Variants in DOCK4 observed in about 807,000 individuals in gnomAD.
DOCK4 encodes the protein dedicator of cytokinesis 4.
DOCK4 carries 97 observed loss-of-function variants against 268.1 expected under a neutral mutation model. The observed-to-expected ratio is 0.36, with a 90% confidence interval of 0.31 to 0.43. The LOEUF is 0.43. Ranked by LOEUF, DOCK4 falls within the 20% of genes least tolerant of loss-of-function variation. The pLI is 1.00. For missense variants in DOCK4, 2,145 were observed against 2,455.7 expected, an observed-to-expected ratio of 0.87 and a Z score of 2.67; for synonymous variants, 954 against 887.2, an observed-to-expected ratio of 1.08 and a Z score of -1.34.
intron 44 of DOCK4, among the ~76,000 whole-genome samples, chr7:111,743,384 C>T (rs372480660): frequency 6.6e-6 from 1 of 152,208 alleles, no homozygotes; most frequent in African/African-American, 2.4e-5. Context: ...GGGCATCCAG[C>T]ACCTTCCCTA....
intron 52 of DOCK4, among the ~76,000 whole-genome samples, chr7:111,729,281 T>A (rs1004730617): frequency 6.6e-6 from 1 of 152,202 alleles, no homozygotes. Context: ...AGAAAGGAGC[T>A]GGGCATGGTG....
chr7:112,020,945 T>C (rs1422245511), intron 1 of DOCK4, among the ~76,000 whole-genome samples: 4 of 152,216 alleles, frequency 2.6e-5, no homozygotes, highest in Non-Finnish European at 4.4e-5. Flanking sequence ...CAACTATTTG[T>C]ACTTCGTTTT....
In DOCK4 at chr7:111,874,028, T is replaced by C. The variant is rs117300935; in HGVS notation, c.1745-1464A>G. Among the ~76,000 whole-genome samples, 180 of 152,256 alleles carry C rather than the reference T, an allele frequency of 1.2e-3. 5 individuals carry two copies. The East Asian group carries it at 0.031, about 26-fold the overall frequency. On this transcript the variant is annotated intron_variant, in intron 17 of 52. Transcript: ENST00000428084. ...TGGTTATATTTGGCATATCAGATAT[T>C]TCCACAGAGTGAGACTCAGGGCGAC...
intron 13 of DOCK4, among the ~76,000 whole-genome samples, chr7:111,912,757 T>C (rs963868802): frequency 8.5e-5 from 13 of 152,106 alleles, no homozygotes; most frequent in Middle Eastern, 3.2e-3. Context: ...CCAAGGCTTG[T>C]TGAAGATAAC....
At chr7:111,749,010 C>T (rs7808477) in intron 42 of DOCK4, among the ~76,000 whole-genome samples, 39,550 of 151,832 alleles carry the variant, frequency 0.26, 5,459 homozygotes, top group Non-Finnish European at 0.29. Context: ...CCAGGTAAAA[C>T]CAAATCGACT....
intron 26 of DOCK4, among the ~76,000 whole-genome samples, chr7:111,832,124 T>A (rs892395974): frequency 1.2e-4 from 18 of 152,204 alleles, no homozygotes; most frequent in Admixed American, 7.2e-4. Context: ...ATAAGTATTA[T>A]AAAGGTGGGG....
chr7:111,787,424 T>C (rs901593300), intron 32 of DOCK4, among the ~76,000 whole-genome samples: 8 of 152,154 alleles, frequency 5.3e-5, no homozygotes, highest in Admixed American at 2.0e-4. Flanking sequence ...GGTGAATAAT[T>C]ATGAAAACCT....
At position 111,728,699 on chromosome 7, in the gene DOCK4, G is replaced by C. The variant is rs540645941; in HGVS notation, c.5503C>G (p.Pro1835Ala). The C allele has an allele frequency of 6.2e-7, 1 of 1,612,816 alleles. No individual in the cohort carries two copies. Among genetic ancestry groups the C allele is most frequent in the African/African-American group, 1.3e-5 (1 of 74,918 alleles). The stretch of plus-strand genomic sequence containing the variant: ...GGCGAGTGGTACTCCACTGGAGAGG[G>C]GGTGAAAGACTGCACAGAGCCCTGC... ...PLKGSVQSFTPSPVEYHSPGL... is the reference protein window; with the variant it reads ...PLKGSVQSFTASPVEYHSPGL... The change falls in exon 53 of 53, where the codon CCC (proline) becomes GCC (alanine). Residue 1835 changes from proline (P) to alanine (A), a missense_variant. Physicochemically the swap from Pro to Ala is conservative, Grantham distance 27 (BLOSUM62 -1). This residue lies in a region of DOCK4 where 547 missense variants were observed against 469.0 expected (regional missense o/e 1.17). Transcript: ENST00000428084.
chr7:112,072,772 GATCTCAGAAGCTGAGC>G (rs879828966), intron 1 of DOCK4, among the ~76,000 whole-genome samples: 1 of 152,242 alleles, frequency 6.6e-6, no homozygotes, highest in Non-Finnish European at 1.5e-5. Flanking sequence ...TTCCTGATAA[GATCTCAGAAGCTGAGC>G]AAGTGGTCTC....
intron 16 of DOCK4, among the ~76,000 whole-genome samples, chr7:111,886,399 C>T (rs117875213): frequency 6.6e-6 from 1 of 152,294 alleles, no homozygotes; most frequent in Non-Finnish European, 1.5e-5. Flanking sequence ...AGGAAATGAA[C>T]ACAGTCTCTG....
At chr7:112,081,024 T>C (rs930447168) in intron 1 of DOCK4, among the ~76,000 whole-genome samples, 8 of 152,168 alleles carry the variant, frequency 5.3e-5, no homozygotes, top group Non-Finnish European at 1.2e-4. Flanking sequence ...GGTACATTTC[T>C]AGAGGGTCCG....
chr7:112,152,218 T>C (rs1470782106), intron 1 of DOCK4, among the ~76,000 whole-genome samples: 4 of 152,160 alleles, frequency 2.6e-5, no homozygotes, highest in African/African-American at 9.7e-5. Flanking sequence ...AAATGGACAA[T>C]AAGACCATTC....
At chr7:111,824,776 C>T (rs1221012480) in intron 26 of DOCK4, among the ~76,000 whole-genome samples, 1 of 152,148 alleles carries the variant, frequency 6.6e-6, no homozygotes, top group Non-Finnish European at 1.5e-5. Context: ...TGTGCTATCT[C>T]ATTTTCCTAG....
intron 1 of DOCK4, among the ~76,000 whole-genome samples, chr7:112,125,339 A>G (rs928525452): frequency 2.0e-5 from 3 of 152,210 alleles, no homozygotes; most frequent in Non-Finnish European, 2.9e-5. Flanking sequence ...AAAAAATATC[A>G]AAATTATTCA....
intron 1 of DOCK4, among the ~76,000 whole-genome samples, chr7:112,166,258 C>CT (rs890693199): frequency 2.0e-5 from 3 of 152,064 alleles, no homozygotes; most frequent in East Asian, 1.9e-4. Flanking sequence ...GTGTTTTGTA[C>CT]TTTTTTTACC....
rs145810050 is a variant in DOCK4, at chr7:112,151,200, C to T, written c.37+54902G>A. ...ACAGCTAGGGCAATTTAGTGGTTAA[C>T]GCCTGGGGCTTTGGCATCAGAACGG... is the stretch of plus-strand genomic sequence containing the variant. On this transcript the variant is annotated intron_variant, in intron 1 of 52. Transcript: ENST00000428084. 1.2e-3 allele frequency among the ~76,000 whole-genome samples: 184 copies of T among 152,218 alleles called. 1 individual carries two copies. Among genetic ancestry groups the T allele is most frequent in the Non-Finnish European group, 1.5e-3 (100 of 67,992 alleles).
chr7:112,064,842 CACAA>C (rs1806773843), intron 1 of DOCK4, among the ~76,000 whole-genome samples: 1 of 152,102 alleles, frequency 6.6e-6, no homozygotes, highest in African/African-American at 2.4e-5. Flanking sequence ...AATTTGGACA[CACAA>C]ACAGACATCA....
At chr7:111,839,011 C>G (rs2134050242) in intron 25 of DOCK4, among the ~76,000 whole-genome samples, 1 of 152,254 alleles carries the variant, frequency 6.6e-6, no homozygotes, top group South Asian at 2.1e-4. Context: ...ATCAATTTCA[C>G]TTTAAAGAAA....
chr7:111,960,827 A>G (rs1431199297), intron 8 of DOCK4, among the ~76,000 whole-genome samples: 1 of 152,072 alleles, frequency 6.6e-6, no homozygotes, highest in African/African-American at 2.4e-5. Context: ...AATGTCCTCC[A>G]GGTACATCCA....
Sources: gnomAD v4.1 joint callset for allele counts (sites outside exome capture counted in the v4.1 genomes callset) on GRCh38, gnomAD v4.1.1 for gene constraint, gnomAD v4.1.1 regional missense constraint, MANE v1.5 for transcripts, NCBI Gene and HGNC (gene_info 2026-07-23, HGNC 2026-07-21) for gene names.